PINX1: variants seen among roughly 807,000 people sequenced by gnomAD.
PINX1 encodes PIN2 (TERF1) interacting telomerase inhibitor 1.
A neutral mutation model predicts 25.4 loss-of-function variants in PINX1; 34 were observed. The ratio of observed to expected loss-of-function variants is 1.34; its 90% CI spans 1.02 to 1.78. The LOEUF is 1.78. Among genes scored for constraint, PINX1 ranks in the 40% most tolerant of loss-of-function variants. The pLI is 0.00. For missense variants in PINX1, 592 were observed against 404.9 expected (o/e 1.46, Z -3.97); for synonymous variants, 197 against 147.7 (o/e 1.33, Z -2.42).
intron 5 of PINX1, among the ~76,000 whole-genome samples, chr8:10,820,577 C>T (rs150608197): frequency 6.6e-6 from 1 of 152,292 alleles, no homozygotes; most frequent in African/African-American, 2.4e-5. Flanking sequence ...TCCCGCTATG[C>T]CCTCAAGATG....
At chr8:10,839,451 TC>T (rs2129092490) in intron 1 of PINX1, among the ~76,000 whole-genome samples, 1 of 152,198 alleles carries the variant, frequency 6.6e-6, no homozygotes, top group East Asian at 1.9e-4. Context: ...GCGGGGCCAG[TC>T]CCGGGACCCG....
intron 6 of PINX1, among the ~76,000 whole-genome samples, chr8:10,772,849 C>G (rs914557279): frequency 1.3e-5 from 2 of 152,078 alleles, no homozygotes; most frequent in Non-Finnish European, 2.9e-5. Flanking sequence ...GTATTAGAAG[C>G]CCACTCTGCA....
intron 6 of PINX1, among the ~76,000 whole-genome samples, chr8:10,795,353 G>A (rs1802053166): frequency 6.6e-6 from 1 of 152,166 alleles, no homozygotes; most frequent in South Asian, 2.1e-4. Context: ...TTCTAAAGAT[G>A]CCAGCAAAAT....
At chr8:10,828,447 T>C (rs1474853543) in intron 4 of PINX1, among the ~76,000 whole-genome samples, 1 of 152,136 alleles carries the variant, frequency 6.6e-6, no homozygotes, top group Non-Finnish European at 1.5e-5. Context: ...GCTGCTGTGA[T>C]GCCTGAACTC....
chr8:10,765,612 T>C lies in PINX1; in HGVS notation c.776A>G (p.Glu259Gly), dbSNP rs551074047. 5 of 1,613,834 alleles carry C rather than the reference T, an allele frequency of 3.1e-6. No homozygotes were observed. The African/African-American group carries it at 5.3e-5, about 17-fold the overall frequency. Residue 259 changes from glutamate to glycine, a missense_variant, in exon 7 of 7, where the codon GAG becomes GGG. Physicochemically the swap from Glu to Gly is moderately conservative, Grantham distance 98. Transcript: ENST00000314787. The part of the protein sequence containing the change: ...VAKKKSAPAE[E>G]QLRGPCWDQS... ...GTCCCAGCAGGGGCCTCTGAGCTGC[T>C]CTTCTGCTGGCGCGCTCTTCTTCTT...
intron 6 of PINX1, among the ~76,000 whole-genome samples, chr8:10,777,394 G>C (rs1332450321): frequency 1.3e-5 from 2 of 152,222 alleles, no homozygotes; most frequent in African/African-American, 4.8e-5. Context: ...TATGTCTCTT[G>C]TCCTAGGACA....
chr8:10,809,250 G>C (rs779110581), intron 6 of PINX1, among the ~76,000 whole-genome samples: 24 of 152,308 alleles, frequency 1.6e-4, no homozygotes, highest in Admixed American at 2.6e-4. Context: ...CCCCTAAGGA[G>C]CAAGTGGCTG....
intron 6 of PINX1, among the ~76,000 whole-genome samples, chr8:10,812,930 T>G (rs1327797882): frequency 1.3e-5 from 2 of 152,252 alleles, no homozygotes; most frequent in African/African-American, 4.8e-5. Flanking sequence ...CTAATTTTCA[T>G]CTAGCTGCTA....
intron 6 of PINX1, among the ~76,000 whole-genome samples, chr8:10,783,686 T>C (rs1304976721): frequency 6.6e-6 from 1 of 152,168 alleles, no homozygotes; most frequent in Non-Finnish European, 1.5e-5. Flanking sequence ...TCATCTGTCA[T>C]GCAATAATGC....
rs766887301 is a variant in PINX1 at position 10,809,547 on chromosome 8, C to T, written c.471+10646G>A. 1.4e-3 allele frequency among the ~76,000 whole-genome samples: 207 copies of T among 152,344 alleles called. 1 individual carries two copies. Among genetic ancestry groups the T allele is most frequent in the Middle Eastern group, 6.8e-3 (2 of 294 alleles). The stretch of plus-strand genomic sequence containing the variant: ...TGAGTAACCCATCTCAAGCACTATT[C>T]ACACCAAAGTCACTCCAGCCAGCCA... On this transcript the variant is annotated intron_variant, in intron 6 of 6. Coordinates refer to ENST00000314787, the MANE Select transcript of PINX1 (RefSeq NM_017884.6).
rs1247304117 is a variant in PINX1 at position 10,805,800 on chromosome 8, G to A, written c.471+14393C>T. 2.4e-5 allele frequency among the ~76,000 whole-genome samples: 3 copies of A among 124,360 alleles called. 1 individual carries two copies. The highest frequency in any genetic ancestry group is 5.2e-5 in the Non-Finnish European group (3 of 57,216). The allele number at this position is 124,360 out of a possible 152,430, so 81.6% of individuals were successfully genotyped here. On this transcript the variant is annotated intron_variant, in intron 6 of 6. Transcript: ENST00000314787. ...AGTGGGTGGCAGAGCACAGGAAGAA[G>A]CCACACTAGTGCTGAGGGGGTGACA...
At chr8:10,788,780 G>C (rs1284809170) in intron 6 of PINX1, among the ~76,000 whole-genome samples, 1 of 152,198 alleles carries the variant, frequency 6.6e-6, no homozygotes, top group Admixed American at 6.5e-5. Context: ...AACCAAGGCA[G>C]AAAGGTGACC....
intron 6 of PINX1, among the ~76,000 whole-genome samples, chr8:10,798,112 G>T (rs1023397081): frequency 2.0e-5 from 3 of 151,986 alleles, no homozygotes; most frequent in Non-Finnish European, 4.4e-5. Flanking sequence ...CCACACACAT[G>T]TTTCTGGGAT....
chr8:10,836,981 T>A (rs927965767), intron 1 of PINX1, among the ~76,000 whole-genome samples: 1 of 152,182 alleles, frequency 6.6e-6, no homozygotes, highest in African/African-American at 2.4e-5. Flanking sequence ...TTTGTAATTC[T>A]CATGCCACAG....
chr8:10,827,774 G>A (rs1398887916), intron 4 of PINX1, among the ~76,000 whole-genome samples: 1 of 151,622 alleles, frequency 6.6e-6, no homozygotes, highest in African/African-American at 2.4e-5. Context: ...AGCCGGGCGT[G>A]GTGGCGGGCA....
chr8:10,832,222 A>C (rs1798245875), intron 3 of PINX1, among the ~76,000 whole-genome samples: 1 of 152,166 alleles, frequency 6.6e-6, no homozygotes, highest in Non-Finnish European at 1.5e-5. Context: ...GAGGAGGAAG[A>C]ACCTTAAGTC....
intron 6 of PINX1, among the ~76,000 whole-genome samples, chr8:10,791,354 G>C (rs1801916575): frequency 6.6e-6 from 1 of 152,170 alleles, no homozygotes; most frequent in South Asian, 2.1e-4. Context: ...TCCCTCCTCG[G>C]TGGAAGCACA....
chr8:10,768,196 C>CAG (rs1801118656), intron 6 of PINX1, among the ~76,000 whole-genome samples: 1 of 152,226 alleles, frequency 6.6e-6, no homozygotes. Flanking sequence ...GTTTATGCAA[C>CAG]AGAAGTCTCA....
intron 6 of PINX1, among the ~76,000 whole-genome samples, chr8:10,790,437 AG>A (rs1231409563): frequency 6.6e-6 from 1 of 152,132 alleles, no homozygotes; most frequent in Non-Finnish European, 1.5e-5. Context: ...GGAGGAAGCA[AG>A]GGTGAGCCAG....
Sources: gnomAD v4.1 joint callset for allele counts (sites outside exome capture counted in the v4.1 genomes callset) on GRCh38, gnomAD v4.1.1 for gene constraint, MANE v1.5 for transcripts, NCBI Gene and HGNC (gene_info 2026-07-23, HGNC 2026-07-21) for gene names.